The following ANK2 variants were observed in gnomAD, a reference collection of about 807,000 sequenced individuals.
ANK2 encodes the protein ankyrin-2.
In ANK2, 83 loss-of-function variants were observed where a neutral mutation model predicts 360.5. The observed-to-expected ratio is 0.23, with a 90% CI of 0.19 to 0.28. The LOEUF is 0.28. ANK2 is among the 10% of genes least tolerant of loss of function. The probability of loss-of-function intolerance (pLI) is 1.00; values close to 1 mark genes in which losing one functional copy is unlikely to be tolerated. For synonymous variants in ANK2, 1,740 were observed against 1,759.5 expected (o/e 0.99, Z 0.28); for missense variants, 4,201 against 4,795.7 (o/e 0.88, Z 3.66).
chr4:112,898,280 C>T (rs2082292906), intron 1 of ANK2, among the ~76,000 whole-genome samples: 1 of 151,970 alleles, frequency 6.6e-6, no homozygotes, highest in African/African-American at 2.4e-5. Flanking sequence ...AACCAAATGC[C>T]CCTTTTCTCT....
At chr4:112,783,628 A>ATTATTTATTTATTTATTTAT in the ANK2 span, among the ~76,000 whole-genome samples, 4 of 141,212 alleles carry the variant, frequency 2.8e-5, no homozygotes, top group East Asian at 4.2e-4. Context: ...ATGTTGATAT[A>ATTATTTATTTATTTATTTAT]TTATTTATTT....
chr4:113,123,354 G>A (rs2095482544), intron 1 of ANK2, among the ~76,000 whole-genome samples: 2 of 152,146 alleles, frequency 1.3e-5, no homozygotes, highest in Non-Finnish European at 2.9e-5. Context: ...AAAGATTTAA[G>A]AGTCAGTGAA....
chr4:112,876,790 A>C (rs1328145107), intron 1 of ANK2, among the ~76,000 whole-genome samples: 2 of 152,188 alleles, frequency 1.3e-5, no homozygotes, highest in African/African-American at 2.4e-5. Context: ...TCCATGTGTC[A>C]GGTCTACTAT....
chr4:113,276,874 G>C (rs29391), intron 15 of ANK2, among the ~76,000 whole-genome samples: 31,647 of 151,996 alleles, frequency 0.21, 3,934 homozygotes, highest in African/African-American at 0.35. Context: ...CCTAACCCAG[G>C]CATATTTGCT....
intron 2 of ANK2, among the ~76,000 whole-genome samples, chr4:112,959,973 T>G (rs1439432050): frequency 6.6e-6 from 1 of 152,152 alleles, no homozygotes; most frequent in Admixed American, 6.5e-5. Flanking sequence ...TGAAAGAGTT[T>G]GAAACCAGAA....
chr4:113,380,416 T>C (rs1219163411), intron 45 of ANK2, among the ~76,000 whole-genome samples: 1 of 152,150 alleles, frequency 6.6e-6, no homozygotes, highest in Non-Finnish European at 1.5e-5. Flanking sequence ...ATCCCAACAC[T>C]TTGGGAGGCC....
chr4:112,942,199 C>T (rs1374345456), intron 2 of ANK2, among the ~76,000 whole-genome samples: 4 of 152,036 alleles, frequency 2.6e-5, no homozygotes, highest in Non-Finnish European at 4.4e-5. Context: ...CTATCATTCT[C>T]CTTTGCAGCA....
chr4:112,958,347 C>A (rs2032257206), intron 2 of ANK2, among the ~76,000 whole-genome samples: 1 of 152,232 alleles, frequency 6.6e-6, no homozygotes, highest in Non-Finnish European at 1.5e-5. Context: ...ATCCCGGCAC[C>A]TCGGGAGGCC....
At chr4:113,285,874 C>T (rs376081631) in intron 18 of ANK2, among the ~76,000 whole-genome samples, 22 of 152,316 alleles carry the variant, frequency 1.4e-4, no homozygotes, top group East Asian at 9.6e-4. Context: ...AGGCCTAAAA[C>T]GCACAACGTT....
the ANK2 span, among the ~76,000 whole-genome samples, chr4:112,748,197 G>T: frequency 6.6e-6 from 1 of 152,100 alleles, no homozygotes; most frequent in East Asian, 1.9e-4. Flanking sequence ...TTAAAATCTG[G>T]AACTGAACAC....
Position 113,332,059 on chromosome 4 carries a change from C to G in ANK2, c.3213C>G (p.Thr1071=), listed in dbSNP as rs1395480636. The G allele has an allele frequency of 6.2e-7, 1 of 1,613,850 alleles. No individual in the cohort carries two copies. The highest frequency in any genetic ancestry group is 1.3e-5 in the African/African-American group (1 of 75,016). ...SRILQLGPPG[T]KFLGPVIVEI... is the part of the protein sequence containing the mutation. ...TTCTTCAGCTGGGGCCTCCTGGAACCAAATTCCTTGGGTAGGAGTGACTTA... is the reference window on the plus strand; with the variant it reads ...TTCTTCAGCTGGGGCCTCCTGGAACGAAATTCCTTGGGTAGGAGTGACTTA... Residue 1071 remains threonine (T), a synonymous_variant, in exon 28 of 46, where the codon ACC becomes ACG. Coordinates refer to ENST00000357077, the MANE Select transcript of ANK2 (RefSeq NM_001148.6).
chr4:113,104,557 TACAAA>T (rs2093378252), intron 1 of ANK2, among the ~76,000 whole-genome samples: 1 of 152,102 alleles, frequency 6.6e-6, no homozygotes, highest in Admixed American at 6.6e-5. Context: ...CTACTAAAAA[TACAAA>T]ACATTAGCTG....
chr4:112,978,846 T>G (rs904776742), intron 2 of ANK2, among the ~76,000 whole-genome samples: 1 of 152,212 alleles, frequency 6.6e-6, no homozygotes, highest in Non-Finnish European at 1.5e-5. Flanking sequence ...TCATTTGACC[T>G]TTTTACTCTA....
intron 17 of ANK2, 46 bp downstream of exon 17, chr4:113,278,604 G>A (rs1214818676): frequency 1.9e-6 from 3 of 1,558,994 alleles, no homozygotes; most frequent in Middle Eastern, 1.7e-4. Flanking sequence ...TGTAACTATC[G>A]CCTGAAAACA....
the ANK2 span, among the ~76,000 whole-genome samples, chr4:112,810,611 G>A: frequency 3.3e-5 from 5 of 152,024 alleles, no homozygotes; most frequent in Admixed American, 3.3e-4. Context: ...GAGTGCAATG[G>A]TGCAATCTCA....
intron 1 of ANK2, among the ~76,000 whole-genome samples, chr4:113,084,768 A>G (rs953085099): frequency 2.6e-5 from 4 of 152,224 alleles, no homozygotes; most frequent in African/African-American, 9.6e-5. Flanking sequence ...TTTAGTGATT[A>G]TGACATATGA....
At chr4:112,710,666 C>G in the ANK2 span, among the ~76,000 whole-genome samples, 4 of 151,562 alleles carry the variant, frequency 2.6e-5, no homozygotes, top group African/African-American at 9.7e-5. Context: ...CCACTGCACT[C>G]CAGCCTGGAT....
chr4:113,152,784 C>G (rs1414781209), intron 1 of ANK2, among the ~76,000 whole-genome samples: 1 of 151,604 alleles, frequency 6.6e-6, no homozygotes, highest in Non-Finnish European at 1.5e-5. Flanking sequence ...ACCTGTGGAC[C>G]CAGCTATTTG....
chr4:112,744,887 C>T, the ANK2 span, among the ~76,000 whole-genome samples: 4 of 152,220 alleles, frequency 2.6e-5, no homozygotes, highest in African/African-American at 9.7e-5. Context: ...CTTCATCTGT[C>T]ATCAGGTTAA....
Sources: gnomAD v4.1 joint callset for allele counts (sites outside exome capture counted in the v4.1 genomes callset) on GRCh38, gnomAD v4.1.1 for gene constraint, MANE v1.5 for transcripts, NCBI Gene and HGNC (gene_info 2026-07-23, HGNC 2026-07-21) for gene names.